Variants in ZNF195 observed in about 807,000 individuals in gnomAD.
ZNF195 encodes the protein hypoxia-regulated factor-1.
In ZNF195, 11 loss-of-function variants were observed where a neutral mutation model predicts 19.5. That is an observed-to-expected ratio of 0.57 (90% confidence interval 0.36 to 0.94). The LOEUF (loss-of-function observed/expected upper bound fraction) is 0.94. Ranked by LOEUF, ZNF195 falls within the 40% of genes least tolerant of loss-of-function variation. The probability of loss-of-function intolerance (pLI) is 0.01; values close to 1 mark genes in which losing one functional copy is unlikely to be tolerated. For synonymous variants in ZNF195, 214 were observed against 248.1 expected, an observed-to-expected ratio of 0.86 and a Z score of 1.29; for missense variants, 582 against 709.0, an observed-to-expected ratio of 0.82 and a Z score of 2.03.
At chr11:3,368,220 G>T (rs1295879971) in intron 3 of ZNF195, among the ~76,000 whole-genome samples, 3 of 152,174 alleles carry the variant, frequency 2.0e-5, no homozygotes, top group Non-Finnish European at 2.9e-5. Context: ...AAATGTACAG[G>T]ACAGTGACAT....
Position 3,362,824 on chromosome 11 carries a change from T to C in ZNF195, c.227-935A>G, listed in dbSNP as rs79631886. The C allele has an allele frequency of 8.2e-3, 2,177 of 265,248 alleles. 135 individuals are homozygous for C. In the Admixed American group the frequency reaches 0.094, roughly 11 times the overall value. The allele number at this position is 265,248 out of a possible 1,614,324, so 16.4% of individuals were successfully genotyped here. On this transcript the variant is annotated intron_variant, in intron 3 of 5. Coordinates refer to ENST00000399602, the MANE Select transcript of ZNF195 (RefSeq NM_001130520.3). Reference sequence around the variant, plus strand: ...ATTTAAAACCAAACTAAGATCAAACTACAGCTGACCTACAAGAGATTCACT... The same window carrying C: ...ATTTAAAACCAAACTAAGATCAAACCACAGCTGACCTACAAGAGATTCACT...
chr11:3,361,785 G>A lies in ZNF195; in HGVS notation c.331C>T (p.Arg111Cys), dbSNP rs7125523. The part of the protein sequence containing the change: ...QSAGITGVNH[R>C]AQPGLNVSVD... ...GAAACATTGAGGCCTGGCTGGGCAC[G>A]GTGGTTCACACCTGTAATCCCAGCA... Residue 111 changes from arginine (R) to cysteine (C), a missense_variant, in exon 4 of 6, where the codon CGT becomes TGT. By Grantham distance (180) the Arg-to-Cys change is radical. This residue lies in a region of ZNF195 where 129 missense variants were observed against 112.1 expected (regional missense o/e 1.15). Coordinates refer to ENST00000399602, the MANE Select transcript of ZNF195 (RefSeq NM_001130520.3). 5,790 of 1,203,986 alleles carry A rather than the reference G, an allele frequency of 4.8e-3. 208 individuals carry two copies. In the African/African-American group the frequency reaches 0.074, roughly 15 times the overall value. The allele number at this position is 1,203,986 out of a possible 1,614,324, so 74.6% of individuals were successfully genotyped here.
intron 1 of ZNF195, among the ~76,000 whole-genome samples, chr11:3,372,664 A>AAATAAATATCTCCCAGGTTCTGACC (rs1849271836): frequency 6.6e-6 from 1 of 152,170 alleles, no homozygotes; most frequent in Non-Finnish European, 1.5e-5. Context: ...AGGTTCTGAC[A>AAATAAATATCTCCCAGGTTCTGACC]AATAAATATC....
rs758629401 is a variant in ZNF195, at chr11:3,361,892, A to G, written c.227-3T>C. 1.2e-5 allele frequency: 5 copies of G among 431,220 alleles called. No homozygotes were observed. Among genetic ancestry groups the G allele is most frequent in the South Asian group, 8.5e-5 (5 of 58,574 alleles). 26.7% of individuals were successfully genotyped at this position (431,220 alleles called of 1,614,324 possible). On this transcript the variant is annotated splice_region_variant and splice_polypyrimidine_tract_variant and intron_variant, in intron 3 of 5. Coordinates refer to ENST00000399602, the MANE Select transcript of ZNF195 (RefSeq NM_001130520.3). ...AGTAGCATGGTGAAATCCCATCTCT[A>G]CAGAAAATACAAAAAAATTAGCTGT...
At chr11:3,370,066 T>C (rs1589813188) in intron 3 of ZNF195, among the ~76,000 whole-genome samples, 1 of 152,162 alleles carries the variant, frequency 6.6e-6, no homozygotes, top group Admixed American at 6.5e-5. Context: ...TGTGTATATA[T>C]ACATGAATGG....
Position 3,360,342 on chromosome 11 carries a change from A to C in ZNF195, c.666T>G (p.Val222=). 1 of 1,601,058 alleles carries C rather than the reference A, an allele frequency of 6.2e-7. No individual in the cohort carries two copies. Among genetic ancestry groups the C allele is most frequent in the Non-Finnish European group, 8.5e-7 (1 of 1,171,866 alleles). The part of the protein sequence containing the change: ...HSKIFQYNKY[V]KIFDNFSNLH... ...AATTTGAAAAGTTATCAAAGATTTT[A>C]ACATATTTATTATATTGAAAGATTT... The change falls in exon 6 of 6, where the codon GTT becomes GTG. Residue 222 remains valine (V), a synonymous_variant. Transcript: ENST00000399602.
At chr11:3,377,147 T>C (rs966829728) in intron 1 of ZNF195, among the ~76,000 whole-genome samples, 1 of 152,242 alleles carries the variant, frequency 6.6e-6, no homozygotes, top group Middle Eastern at 3.2e-3. Context: ...AAGTATTTTC[T>C]TACCTTTCAA....
Position 3,358,947 on chromosome 11 carries a change from A to T in ZNF195, c.*171T>A, listed in dbSNP as rs1046868107. On this transcript the variant is annotated 3_prime_UTR_variant, in exon 6 of 6. Transcript: ENST00000399602. ...GTCTTCCATCTAGTATAATTGTAAC[A>T]TTTTTTTCAGAAGAAATACTCTTGT... 8.5e-6 allele frequency: 8 copies of T among 936,478 alleles called. No homozygotes were observed. The highest frequency in any genetic ancestry group is 1.7e-5 in the African/African-American group (1 of 58,358). The allele number at this position is 936,478 out of a possible 1,614,324, so 58.0% of individuals were successfully genotyped here. A position where few individuals can be genotyped will look rare whatever the true frequency, so the allele number is the denominator to read the frequency against.
rs200522619 is a variant in ZNF195 at position 3,360,147 on chromosome 11, A to C, written c.861T>G (p.Phe287Leu). ...CAGTGTCAATGTTCTCAGGTTCAGT[A>C]AAGTGTGAGCACTGGATAAAGGTTT... ...CGKTFIQCSH[F>L]TEPENIDTGE... The change falls in exon 6 of 6, where the codon TTT (phenylalanine) becomes TTG (leucine). Residue 287 changes from phenylalanine to leucine, a missense_variant. Physicochemically the swap from Phe to Leu is conservative, Grantham distance 22. Around this residue, in one of 3 missense-constraint regions of ZNF195, gnomAD observed 407 missense variants for 530.5 expected, o/e 0.77. Transcript: ENST00000399602. The C allele has an allele frequency of 3.7e-6, 6 of 1,614,044 alleles. No homozygotes were observed. The highest frequency in any genetic ancestry group is 5.1e-6 in the Non-Finnish European group (6 of 1,179,966).
At chr11:3,369,965 AATT>A (rs1349217101) in intron 3 of ZNF195, among the ~76,000 whole-genome samples, 4 of 152,354 alleles carry the variant, frequency 2.6e-5, no homozygotes, top group South Asian at 2.1e-4. Context: ...ACACATATCA[AATT>A]ATTACATTGT....
At chr11:3,372,612 C>CCTAACAAATATCTCCCAGGTT (rs1589816244) in intron 1 of ZNF195, among the ~76,000 whole-genome samples, 9 of 39,676 alleles carry the variant, frequency 2.3e-4, no homozygotes, top group East Asian at 1.9e-3. Flanking sequence ...TTTCCCAGGT[C>CCTAACAAATATCTCCCAGGTT]CTGACAAATA....
Position 3,364,691 on chromosome 11 carries a change from A to C in ZNF195, c.227-2802T>G, listed in dbSNP as rs571505845. Reference sequence around the variant, plus strand: ...GGTCTGCAAAACACAATGAGAAAAGAATGAAAGCTTGTCCACACAAAATCA... The same window carrying C: ...GGTCTGCAAAACACAATGAGAAAAGCATGAAAGCTTGTCCACACAAAATCA... On this transcript the variant is annotated intron_variant, in intron 3 of 5. Transcript: ENST00000399602. Among the ~76,000 whole-genome samples the C allele has an allele frequency of 2.0e-5, 3 of 152,354 alleles. No individual in the cohort carries two copies. The South Asian group carries it at 6.2e-4, about 32-fold the overall frequency.
At chr11:3,371,337 T>C (rs909058210) in intron 2 of ZNF195, among the ~76,000 whole-genome samples, 2 of 152,086 alleles carry the variant, frequency 1.3e-5, no homozygotes, top group Non-Finnish European at 2.9e-5. Flanking sequence ...ACTGAATTTC[T>C]GGAATTGTCA....
At chr11:3,378,264 C>G (rs1368263157) in intron 1 of ZNF195, among the ~76,000 whole-genome samples, 1 of 151,980 alleles carries the variant, frequency 6.6e-6, no homozygotes, top group African/African-American at 2.4e-5. Flanking sequence ...GAGCCGAGAT[C>G]GCGCCACTGC....
chr11:3,375,157 T>C (rs181275527), intron 1 of ZNF195, among the ~76,000 whole-genome samples: 148 of 152,274 alleles, frequency 9.7e-4, no homozygotes, highest in South Asian at 1.7e-3. Flanking sequence ...TGGATGAGAC[T>C]CAGAGAAGGA....
At chr11:3,364,008 GT>G (rs1356946071) in intron 3 of ZNF195, among the ~76,000 whole-genome samples, 5 of 152,162 alleles carry the variant, frequency 3.3e-5, no homozygotes, top group African/African-American at 1.2e-4. Context: ...AGAAAAAAAG[GT>G]TGTTAACTTT....
intron 1 of ZNF195, among the ~76,000 whole-genome samples, chr11:3,372,645 A>ATATCTCCCAGGTTCTGACAAATAAG (rs1564926502): frequency 6.6e-6 from 1 of 152,320 alleles, no homozygotes; most frequent in Admixed American, 6.5e-5. Context: ...TGACAAATAA[A>ATATCTCCCAGGTTCTGACAAATAAG]TATCTCCCAG....
At chr11:3,378,897 C>T in intron 1 of ZNF195, 141 bp downstream of exon 1, 2 of 1,097,854 alleles carry the variant, frequency 1.8e-6, no homozygotes, top group Non-Finnish European at 1.2e-6. Context: ...GCGCGGGGCC[C>T]GGCCGCCATG....
Position 3,360,176 on chromosome 11 carries a change from C to T in ZNF195, c.832G>A (p.Gly278Ser), listed in dbSNP as rs915679412. Residue 278 changes from glycine (G) to serine (S), a missense_variant, in exon 6 of 6, where the codon GGC (glycine) becomes AGC (serine). Gly to Ser is a moderately conservative substitution (Grantham distance 56). Coordinates refer to ENST00000399602, the MANE Select transcript of ZNF195 (RefSeq NM_001130520.3). ...GKKFQKCGECGKTFIQCSHFT... is the reference protein window; with the variant it reads ...GKKFQKCGECSKTFIQCSHFT... ...TGTGAGCACTGGATAAAGGTTTTGCCACATTCTCCACATTTTTGGAATTTT... is the reference window on the plus strand; with the variant it reads ...TGTGAGCACTGGATAAAGGTTTTGCTACATTCTCCACATTTTTGGAATTTT... 5 of 1,613,876 alleles carry T rather than the reference C, an allele frequency of 3.1e-6. No homozygotes were observed. The Middle Eastern group carries it at 5.0e-4, about 160-fold the overall frequency.
Sources: gnomAD v4.1 joint callset for allele counts (sites outside exome capture counted in the v4.1 genomes callset) on GRCh38, gnomAD v4.1.1 for gene constraint, gnomAD v4.1.1 regional missense constraint, MANE v1.5 for transcripts, NCBI Gene and HGNC (gene_info 2026-07-23, HGNC 2026-07-21) for gene names.